Variants in HLCS observed in about 807,000 individuals in gnomAD.
HLCS encodes the protein biotin--protein ligase.
Under a neutral mutation model 75.0 loss-of-function variants are expected in HLCS, and 53 were observed. That is an observed-to-expected ratio of 0.71 (90% confidence interval 0.57 to 0.89). The LOEUF is 0.89. HLCS is among the 40% of genes least tolerant of loss of function. The pLI is 0.00. For synonymous variants in HLCS, 431 were observed against 428.6 expected (o/e 1.01, Z -0.07); for missense variants, 966 against 1,074.0 (o/e 0.90, Z 1.41).
upstream of HLCS, among the ~76,000 whole-genome samples, chr21:36,967,582 G>A (rs1422662694): frequency 6.6e-6 from 1 of 152,222 alleles, no homozygotes; most frequent in Non-Finnish European, 1.5e-5. Context: ...ATTATGTAAA[G>A]AACGTGTTCT....
At chr21:36,931,937 G>A (rs959021111) in intron 4 of HLCS, among the ~76,000 whole-genome samples, 4 of 152,044 alleles carry the variant, frequency 2.6e-5, no homozygotes, top group African/African-American at 9.7e-5. Context: ...CTGTTTCTCC[G>A]TTTTCCCCCC....
At chr21:36,924,797 A>G (rs1601759851) in intron 5 of HLCS, among the ~76,000 whole-genome samples, 1 of 152,188 alleles carries the variant, frequency 6.6e-6, no homozygotes. Flanking sequence ...GCTTGTACTT[A>G]GTAGGCACAC....
intron 1 of HLCS, chr21:36,980,372 C>T (rs1343431239): frequency 6.6e-6 from 1 of 152,156 alleles, no homozygotes; most frequent in Non-Finnish European, 1.5e-5. Context: ...GATTCCAGAC[C>T]TGGAAGATGA....
intron 2 of HLCS, chr21:36,947,725 C>T (rs980852234): frequency 1.0e-6 from 1 of 985,426 alleles, no homozygotes; most frequent in Non-Finnish European, 1.2e-6. Flanking sequence ...TTAAAACTCA[C>T]ATCCAAGAAG....
intron 6 of HLCS, among the ~76,000 whole-genome samples, chr21:36,881,730 G>A (rs1462834285): frequency 1.3e-5 from 2 of 152,214 alleles, no homozygotes; most frequent in Admixed American, 6.5e-5. Flanking sequence ...CTCAGTGTCC[G>A]TGTTGGAAGG....
At chr21:36,847,481 C>T (rs1601495165) in intron 6 of HLCS, among the ~76,000 whole-genome samples, 2 of 152,088 alleles carry the variant, frequency 1.3e-5, no homozygotes, top group East Asian at 3.8e-4. Flanking sequence ...ATTTACTATC[C>T]TACGTTAGAG....
chr21:36,780,622 G>A (rs1015328983), intron 6 of HLCS, among the ~76,000 whole-genome samples: 2 of 152,156 alleles, frequency 1.3e-5, no homozygotes, highest in African/African-American at 4.8e-5. Flanking sequence ...TAAAAGGACA[G>A]TATAATGAAC....
At chr21:36,924,818 T>C (rs1358112550) in intron 5 of HLCS, among the ~76,000 whole-genome samples, 1 of 152,194 alleles carries the variant, frequency 6.6e-6, no homozygotes, top group Non-Finnish European at 1.5e-5. Context: ...AGATGTTTGC[T>C]ACATGAAGGG....
chr21:36,913,277 C>T (rs1020749177), intron 5 of HLCS, among the ~76,000 whole-genome samples: 1 of 152,134 alleles, frequency 6.6e-6, no homozygotes. Context: ...AAGAGACCTA[C>T]CTAACCCAAA....
chr21:36,940,214 G>C (rs1428103618), intron 2 of HLCS, among the ~76,000 whole-genome samples: 2 of 152,180 alleles, frequency 1.3e-5, no homozygotes, highest in Non-Finnish European at 2.9e-5. Flanking sequence ...AAGCAGCAGT[G>C]AGCAGCACAG....
At chr21:36,962,256 C>T (rs1221074929) in intron 1 of HLCS, 86 bp from the exon 2 acceptor site, 2 of 872,768 alleles carry the variant, frequency 2.3e-6, no homozygotes, top group Non-Finnish European at 1.6e-6. Context: ...ACATACCCTC[C>T]CCTATAATTC....
At chr21:36,984,547 G>A (rs992871139) in intron 1 of HLCS, among the ~76,000 whole-genome samples, 3 of 152,098 alleles carry the variant, frequency 2.0e-5, no homozygotes, top group Admixed American at 6.5e-5. Context: ...GTGCTGTTCC[G>A]AACCGCACAC....
At chr21:36,821,310 A>T (rs1431545125) in intron 6 of HLCS, among the ~76,000 whole-genome samples, 4 of 152,148 alleles carry the variant, frequency 2.6e-5, no homozygotes, top group Admixed American at 2.0e-4. Flanking sequence ...TTTTTTGTGT[A>T]TAGTAGGAGC....
chr21:36,976,976 A>G (rs998809204), intron 1 of HLCS, among the ~76,000 whole-genome samples: 1 of 152,006 alleles, frequency 6.6e-6, no homozygotes, highest in African/African-American at 2.4e-5. Context: ...CAAACATTTG[A>G]TATTGGTGCT....
At chr21:36,927,841 G>A (rs914894942) in intron 5 of HLCS, among the ~76,000 whole-genome samples, 1 of 152,200 alleles carries the variant, frequency 6.6e-6, no homozygotes, top group African/African-American at 2.4e-5. Context: ...CCCAGCAACA[G>A]AGTGTCTTGC....
At chr21:36,892,069 C>A in intron 6 of HLCS, among the ~76,000 whole-genome samples, 1 of 152,170 alleles carries the variant, frequency 6.6e-6, no homozygotes, top group Admixed American at 6.5e-5. Flanking sequence ...TGGTTACTCA[C>A]ATGGAACCAA....
At chr21:36,754,694 A>G (rs937829391) in intron 10 of HLCS, among the ~76,000 whole-genome samples, 5 of 152,210 alleles carry the variant, frequency 3.3e-5, no homozygotes, top group African/African-American at 1.2e-4. Context: ...ATCTGCGGTG[A>G]TGGCTGGAAC....
rs1189524187 is a variant in HLCS, at chr21:36,749,084, C to T, written c.*5162G>A. The T allele has an allele frequency of 6.6e-6, 1 of 152,642 alleles. No individual in the cohort carries two copies. The highest frequency in any genetic ancestry group is 1.5e-5 in the Non-Finnish European group (1 of 68,042). 9.5% of individuals were successfully genotyped at this position (152,642 alleles called of 1,614,324 possible). A position where few individuals can be genotyped will look rare whatever the true frequency, so the allele number is the denominator to read the frequency against. Reference sequence around the variant, plus strand: ...ATGTAGACATTTTAAGCATTTTCTACACAGCGAGAAAACTTCGTAAGAACA... The same window carrying T: ...ATGTAGACATTTTAAGCATTTTCTATACAGCGAGAAAACTTCGTAAGAACA... On this transcript the variant is annotated 3_prime_UTR_variant, in exon 11 of 11. Transcript: ENST00000674895.
intron 5 of HLCS, among the ~76,000 whole-genome samples, chr21:36,913,967 G>C (rs2065825461): frequency 6.6e-6 from 1 of 152,210 alleles, no homozygotes. Context: ...TGTGGGCAGA[G>C]GTAAGAGAAC....
Sources: gnomAD v4.1 joint callset for allele counts (sites outside exome capture counted in the v4.1 genomes callset) on GRCh38, gnomAD v4.1.1 for gene constraint, MANE v1.5 for transcripts, NCBI Gene and HGNC (gene_info 2026-07-23, HGNC 2026-07-21) for gene names.